The following GATM variants were observed in gnomAD, a reference collection of about 807,000 sequenced individuals.
GATM encodes glycine amidinotransferase, also known as glycine amidinotransferase, mitochondrial.
Under a neutral mutation model 54.2 loss-of-function variants are expected in GATM, and 23 were observed. The ratio of observed to expected loss-of-function variants is 0.42; its 90% confidence interval spans 0.31 to 0.60. The LOEUF is 0.60. Ranked by LOEUF, GATM falls within the 20% of genes least tolerant of loss-of-function variation. GATM has a pLI of 0.14. For missense variants in GATM, 401 were observed against 544.9 expected, an observed-to-expected ratio of 0.74 and a Z score of 2.63; for synonymous variants, 168 against 183.1, an observed-to-expected ratio of 0.92 and a Z score of 0.67.
intron 6 of GATM, among the ~76,000 whole-genome samples, chr15:45,365,776 A>G (rs1889438924): frequency 6.6e-6 from 1 of 152,226 alleles, no homozygotes; most frequent in Non-Finnish European, 1.5e-5. Context: ...AAAAATACAC[A>G]CATATGCACA....
intron 3 of GATM, among the ~76,000 whole-genome samples, chr15:45,386,096 G>A (rs1426972618): frequency 6.6e-6 from 1 of 152,136 alleles, no homozygotes; most frequent in East Asian, 1.9e-4. Context: ...TCTACATCCA[G>A]CTAAAAAGCC....
chr15:45,402,202 G>C (rs1434245630), exon 1 of GATM: 1 of 589,382 alleles, frequency 1.7e-6, no homozygotes, highest in South Asian at 2.5e-5. Flanking sequence ...AAAGCTCTGG[G>C]TTAGGCAACT....
At chr15:45,372,114 T>C (rs768315824) in intron 2 of GATM, among the ~76,000 whole-genome samples, 3 of 152,200 alleles carry the variant, frequency 2.0e-5, no homozygotes, top group Non-Finnish European at 4.4e-5. Context: ...CATAGGCAAA[T>C]TTGGCCTGCT....
At chr15:45,398,364 G>C (rs1889958000) in intron 2 of GATM, among the ~76,000 whole-genome samples, 1 of 152,168 alleles carries the variant, frequency 6.6e-6, no homozygotes, top group Non-Finnish European at 1.5e-5. Flanking sequence ...CTGAAAATGT[G>C]CAAGAACAGA....
intron 8 of GATM, among the ~76,000 whole-genome samples, 173 bp from the exon 9 acceptor site, chr15:45,362,394 A>G (rs1378641889): frequency 6.6e-6 from 1 of 152,198 alleles, no homozygotes; most frequent in Non-Finnish European, 1.5e-5. Context: ...TCATCTGCTA[A>G]TATAAAATCT....
At chr15:45,374,475 A>G (rs1595485139) in intron 2 of GATM, among the ~76,000 whole-genome samples, 4 of 152,380 alleles carry the variant, frequency 2.6e-5, no homozygotes, top group Admixed American at 2.6e-4. Flanking sequence ...ACTTAAAAAG[A>G]CTACTATGCC....
chr15:45,364,486 G>GACTGCACAACTGCACA, intron 7 of GATM: 1 of 345,458 alleles, frequency 2.9e-6, no homozygotes, highest in African/African-American at 2.2e-5. Flanking sequence ...AGTGAGCTGT[G>GACTGCACAACTGCACA]ACTGCACAAC....
intron 2 of GATM, 82 bp downstream of exon 2, chr15:45,376,519 G>A (rs1889638617): frequency 6.0e-6 from 7 of 1,175,308 alleles, no homozygotes; most frequent in Admixed American, 1.7e-5. Context: ...CTGGGAGTAA[G>A]CTGAAGGGAA....
intron 3 of GATM, chr15:45,396,117 AT>A (rs1889927135): frequency 6.6e-6 from 1 of 152,238 alleles, no homozygotes; most frequent in South Asian, 2.1e-4. Context: ...CAGAGCAGGA[AT>A]ACTTATCTTG....
At chr15:45,366,752 T>G (rs368656902) in intron 4 of GATM, among the ~76,000 whole-genome samples, 1 of 152,222 alleles carries the variant, frequency 6.6e-6, no homozygotes, top group East Asian at 1.9e-4. Context: ...ATGATTTCAC[T>G]TTCCATGGTT....
At chr15:45,382,424 G>A (rs952545877), upstream of GATM, among the ~76,000 whole-genome samples, 1 of 152,200 alleles carries the variant, frequency 6.6e-6, no homozygotes, top group African/African-American at 2.4e-5. Flanking sequence ...CACTCTGGGA[G>A]GCTGAGGTGG....
At chr15:45,378,278 A>G in intron 1 of GATM, 107 bp downstream of exon 1, 1 of 834,494 alleles carries the variant, frequency 1.2e-6, no homozygotes, top group Non-Finnish European at 1.8e-6. Context: ...GGCTAGGGAA[A>G]GCGAGGGAAG....
chr15:45,397,424 G>A (rs144788604), intron 2 of GATM: 36 of 152,188 alleles, frequency 2.4e-4, no homozygotes, highest in African/African-American at 7.7e-4. Flanking sequence ...AATTGATCAT[G>A]CCTACGTGAT....
intron 4 of GATM, among the ~76,000 whole-genome samples, chr15:45,367,403 C>T (rs897134271): frequency 1.5e-4 from 23 of 151,288 alleles, no homozygotes; most frequent in African/African-American, 2.4e-5. Context: ...ATGAACCGTA[C>T]GGAAAGTAAA....
intron 2 of GATM, chr15:45,369,775 C>T: frequency 2.0e-6 from 1 of 489,316 alleles, no homozygotes; most frequent in Non-Finnish European, 3.7e-6. Flanking sequence ...TCATGGCCAA[C>T]CACTAACAGC....
chr15:45,367,704 A>C (rs1258951784), intron 4 of GATM, among the ~76,000 whole-genome samples: 1 of 152,154 alleles, frequency 6.6e-6, no homozygotes, highest in East Asian at 1.9e-4. Flanking sequence ...CAGTCTAGTG[A>C]CTTTTCTGGT....
chr15:45,381,724 G>C (rs1889743234), upstream of GATM, among the ~76,000 whole-genome samples: 2 of 152,168 alleles, frequency 1.3e-5, no homozygotes, highest in African/African-American at 2.4e-5. Context: ...TATTCTAAGA[G>C]ACATTTGTAC....
intron 7 of GATM, chr15:45,364,594 T>G (rs1417604045): frequency 1.7e-6 from 1 of 580,544 alleles, no homozygotes. Flanking sequence ...TGTCTTCTCC[T>G]TACTTCATTT....
rs1005900829 is a variant in GATM, at chr15:45,364,097, G to C, written c.1043-81C>G. 4.9e-6 allele frequency: 4 copies of C among 822,736 alleles called. No homozygotes were observed. In the African/African-American group the frequency reaches 6.7e-5, roughly 14 times the overall value. 51.0% of individuals were successfully genotyped at this position (822,736 alleles called of 1,614,324 possible). Reference sequence around the variant, plus strand: ...GGATTTACAAGTGAAGAATATTAAAGTGACAGCTCAGTTCTTTCAGTAGTT... The same window carrying C: ...GGATTTACAAGTGAAGAATATTAAACTGACAGCTCAGTTCTTTCAGTAGTT... On this transcript the variant is annotated intron_variant, in intron 7 of 8. Coordinates refer to ENST00000396659, the MANE Select transcript of GATM (RefSeq NM_001482.3).
Sources: gnomAD v4.1 joint callset for allele counts (sites outside exome capture counted in the v4.1 genomes callset) on GRCh38, gnomAD v4.1.1 for gene constraint, MANE v1.5 for transcripts, NCBI Gene and HGNC (gene_info 2026-07-23, HGNC 2026-07-21) for gene names.